The following IL1RAPL1 variants were observed in gnomAD, a reference collection of about 807,000 sequenced individuals.
IL1RAPL1 encodes interleukin-1 receptor accessory protein-like 1.
A neutral mutation model predicts 48.4 loss-of-function variants in IL1RAPL1; 3 were observed. The observed-to-expected ratio is 0.06, with a 90% CI of 0.03 to 0.16. The LOEUF (loss-of-function observed/expected upper bound fraction) is 0.16. Among genes scored for constraint, IL1RAPL1 ranks in the 10% least tolerant of loss-of-function variants. The probability of loss-of-function intolerance (pLI) is 1.00; values close to 1 mark genes in which losing one functional copy is unlikely to be tolerated. For missense variants in IL1RAPL1, 349 were observed against 530.6 expected, an observed-to-expected ratio of 0.66 and a Z score of 3.36; for synonymous variants, 185 against 187.7, an observed-to-expected ratio of 0.99 and a Z score of 0.12.
At chrX:29,076,070 C>G (rs959113289) in intron 2 of IL1RAPL1, among the ~76,000 whole-genome samples, 43 of 111,603 alleles carry the variant, frequency 3.9e-4, no homozygotes, top group Non-Finnish European at 3.2e-4. Context: ...CCTAATAAGA[C>G]TAAAGAGAGT....
At chrX:29,448,222 G>A (rs771681862) in intron 5 of IL1RAPL1, among the ~76,000 whole-genome samples, 1 of 111,648 alleles carries the variant, frequency 9.0e-6, no homozygotes, top group African/African-American at 3.2e-5. Flanking sequence ...AAAAGGAAGC[G>A]AAAGCCTGGA....
intron 5 of IL1RAPL1, among the ~76,000 whole-genome samples, chrX:29,497,614 C>A (rs1935227450): frequency 9.0e-6 from 1 of 111,023 alleles, no homozygotes; most frequent in Admixed American, 9.6e-5. Context: ...GTCATTCATG[C>A]AGCTTTGGCT....
chrX:29,390,832 G>A (rs1185769448), intron 3 of IL1RAPL1, among the ~76,000 whole-genome samples: 2 of 111,613 alleles, frequency 1.8e-5, no homozygotes, highest in African/African-American at 6.5e-5. Context: ...TCTGCACTTT[G>A]ATCTATAGTT....
intron 2 of IL1RAPL1, among the ~76,000 whole-genome samples, chrX:28,911,785 T>A (rs774220937): frequency 3.6e-5 from 4 of 109,675 alleles, no homozygotes; most frequent in East Asian, 2.9e-4. Flanking sequence ...GGAGATTTTT[T>A]AAATGGGGCT....
intron 2 of IL1RAPL1, among the ~76,000 whole-genome samples, chrX:28,898,581 C>T (rs1481409693): frequency 9.0e-6 from 1 of 110,804 alleles, no homozygotes; most frequent in African/African-American, 3.3e-5. Flanking sequence ...TCCCTATGTG[C>T]CTGGCGAATT....
At chrX:29,952,283 G>A (rs1933333872) in intron 9 of IL1RAPL1, among the ~76,000 whole-genome samples, 1 of 111,518 alleles carries the variant, frequency 9.0e-6, no homozygotes, top group African/African-American at 3.3e-5. Context: ...GCACTACTTT[G>A]TGGCAAACTG....
chrX:29,398,947 TA>T (rs1318282729), intron 4 of IL1RAPL1, among the ~76,000 whole-genome samples: 1 of 112,384 alleles, frequency 8.9e-6, no homozygotes, highest in African/African-American at 3.2e-5. Context: ...CAAAAATGTA[TA>T]ATGACCAGTG....
intron 5 of IL1RAPL1, among the ~76,000 whole-genome samples, chrX:29,534,527 T>A (rs1215171791): frequency 1.8e-5 from 2 of 111,612 alleles, no homozygotes; most frequent in African/African-American, 6.5e-5. Context: ...GTAATAATGA[T>A]GATAATACAT....
At chrX:29,580,407 C>T (rs1304344232) in intron 5 of IL1RAPL1, among the ~76,000 whole-genome samples, 1 of 111,649 alleles carries the variant, frequency 9.0e-6, no homozygotes, top group Non-Finnish European at 1.9e-5. Flanking sequence ...GGATAGCTAG[C>T]TCTACTGGAC....
At chrX:29,025,429 G>C (rs1342547790) in intron 2 of IL1RAPL1, among the ~76,000 whole-genome samples, 1 of 111,766 alleles carries the variant, frequency 8.9e-6, no homozygotes, top group Non-Finnish European at 1.9e-5. Flanking sequence ...TTTGTACACT[G>C]CTGCCAGGGA....
chrX:28,831,566 G>GT (rs1396321720), intron 2 of IL1RAPL1, among the ~76,000 whole-genome samples: 2 of 110,075 alleles, frequency 1.8e-5, no homozygotes, highest in African/African-American at 3.3e-5. Context: ...CTAGGCTATT[G>GT]TTTTTTTCAA....
At chrX:29,236,545 CTTTTTTTTTTTTTTTT>C (rs754996544) in intron 2 of IL1RAPL1, among the ~76,000 whole-genome samples, 2 of 63,199 alleles carry the variant, frequency 3.2e-5, no homozygotes, top group South Asian at 9.5e-4. Context: ...CTTTTTTTTT[CTTTTTTTTTTTTTTTT>C]TTTTTTTTTG....
chrX:28,984,529 A>G (rs1238201079), intron 2 of IL1RAPL1, among the ~76,000 whole-genome samples: 1 of 112,088 alleles, frequency 8.9e-6, no homozygotes, highest in African/African-American at 3.2e-5. Context: ...CTTTTCACAC[A>G]TCTTTCTCCT....
intron 5 of IL1RAPL1, among the ~76,000 whole-genome samples, chrX:29,495,867 C>A (rs756642871): frequency 9.0e-6 from 1 of 111,072 alleles, no homozygotes; most frequent in African/African-American, 3.3e-5. Context: ...CTGTCCCTGT[C>A]TCTGTCTTCC....
At chrX:29,640,452 G>A (rs985358836) in intron 5 of IL1RAPL1, among the ~76,000 whole-genome samples, 9 of 111,854 alleles carry the variant, frequency 8.0e-5, no homozygotes, top group Non-Finnish European at 1.1e-4. Flanking sequence ...TCATAGATCC[G>A]GCTGCCTATT....
chrX:29,704,813 T>C (rs1030272869), intron 6 of IL1RAPL1, among the ~76,000 whole-genome samples: 6 of 112,586 alleles, frequency 5.3e-5, no homozygotes, highest in Non-Finnish European at 9.4e-5. Context: ...TTTTATTATA[T>C]ATTACATTGT....
chrX:29,840,068 G>A (rs189242661), intron 6 of IL1RAPL1, among the ~76,000 whole-genome samples: 2 of 112,297 alleles, frequency 1.8e-5, no homozygotes, highest in East Asian at 2.8e-4. Context: ...CTGGGGGGTC[G>A]CAGGCTAGAA....
At chrX:29,414,924 G>T (rs1483835926) in intron 5 of IL1RAPL1, among the ~76,000 whole-genome samples, 1 of 111,667 alleles carries the variant, frequency 9.0e-6, no homozygotes, top group Non-Finnish European at 1.9e-5. Flanking sequence ...ATAAGCTAAA[G>T]AAACTTCTAT....
chrX:29,153,733 T>C (rs140995376), intron 2 of IL1RAPL1, among the ~76,000 whole-genome samples: 1,499 of 112,311 alleles, frequency 0.013, 23 homozygotes, highest in African/African-American at 0.045. Context: ...ATTGACCACA[T>C]TGAGAAAATT....
Sources: allele counts gnomAD v4.1 joint callset (sites outside exome capture counted in the v4.1 genomes callset), GRCh38; gene constraint gnomAD v4.1.1; transcripts MANE v1.5; gene names NCBI Gene and HGNC (gene_info 2026-07-23, HGNC 2026-07-21).